Variants in GPM6A observed in about 807,000 individuals in gnomAD.
GPM6A encodes the protein glycoprotein M6A, also known as neuronal membrane glycoprotein M6-a.
GPM6A carries 7 observed loss-of-function variants against 32.1 expected under a neutral mutation model. The observed-to-expected ratio is 0.22, with a 90% CI of 0.12 to 0.41. The LOEUF (loss-of-function observed/expected upper bound fraction) is 0.41. Among genes scored for constraint, GPM6A ranks in the 10% least tolerant of loss-of-function variants. The pLI, the probability that GPM6A is intolerant of heterozygous loss-of-function variation, is 1.00. For missense variants in GPM6A, 235 were observed against 347.2 expected (o/e 0.68, Z 2.57); for synonymous variants, 130 against 123.4 (o/e 1.05, Z -0.35).
In GPM6A at chr4:175,686,215, G is replaced by T. The variant is rs558138444; in HGVS notation, c.231-12379C>A. Among the ~76,000 whole-genome samples the T allele has an allele frequency of 5.9e-5, 9 of 152,166 alleles. No individual in the cohort carries two copies. In the South Asian group the frequency reaches 1.0e-3, roughly 18 times the overall value. ...AAATGAACCTTGATTACTGTGGTCA[G>T]CTATAAAAAACCTCACTTCATACAT... is the stretch of plus-strand genomic sequence containing the variant. On this transcript the variant is annotated intron_variant, in intron 2 of 6. Coordinates refer to ENST00000393658, the MANE Select transcript of GPM6A (RefSeq NM_201591.3).
In GPM6A at chr4:175,889,542, G is replaced by A. The variant is rs539316414; in HGVS notation, c.-22-77293C>T. Among the ~76,000 whole-genome samples the A allele has an allele frequency of 7.6e-5, 11 of 145,034 alleles. No homozygotes were observed. The South Asian group carries it at 2.3e-3, about 30-fold the overall frequency. The stretch of plus-strand genomic sequence containing the variant: ...CCAAAAAAAAAAAAAGAGGCCAGGC[G>A]CAGTGGCTCGCGCCTGTAATCCCAG... On this transcript the variant is annotated intron_variant, in intron 1 of 7. Transcript: ENST00000280187.
chr4:175,895,458 G>C (rs1737767631), intron 1 of GPM6A, among the ~76,000 whole-genome samples: 1 of 152,068 alleles, frequency 6.6e-6, no homozygotes, highest in Non-Finnish European at 1.5e-5. Flanking sequence ...CTAAGAACTT[G>C]GAAGGTAACT....
intron 1 of GPM6A, among the ~76,000 whole-genome samples, chr4:175,759,061 A>T (rs964915277): frequency 2.0e-5 from 3 of 152,224 alleles, no homozygotes; most frequent in Non-Finnish European, 4.4e-5. Context: ...TCTTTAGTTC[A>T]TGCAATCAGC....
chr4:175,769,519 C>G (rs1276566240), intron 1 of GPM6A, among the ~76,000 whole-genome samples: 1 of 151,772 alleles, frequency 6.6e-6, no homozygotes, highest in East Asian at 1.9e-4. Flanking sequence ...TGCCCAGGGC[C>G]CCCCTGTGAC....
chr4:175,858,158 A>G (rs1736469683), intron 1 of GPM6A, among the ~76,000 whole-genome samples: 1 of 152,206 alleles, frequency 6.6e-6, no homozygotes, highest in African/African-American at 2.4e-5. Flanking sequence ...AAATGAGCAT[A>G]TAAATAGAGC....
At chr4:175,917,351 A>C (rs1738525543) in intron 1 of GPM6A, among the ~76,000 whole-genome samples, 1 of 152,062 alleles carries the variant, frequency 6.6e-6, no homozygotes, top group Non-Finnish European at 1.5e-5. Context: ...TTCCCCAAGC[A>C]CTGCCCCTTG....
At chr4:175,797,992 G>T (rs1414713605) in intron 1 of GPM6A, among the ~76,000 whole-genome samples, 1 of 152,162 alleles carries the variant, frequency 6.6e-6, no homozygotes, top group Non-Finnish European at 1.5e-5. Context: ...TAGAAATGCA[G>T]ATTCCTGGGC....
At chr4:175,991,044 T>C (rs545125076) in intron 1 of GPM6A, among the ~76,000 whole-genome samples, 1 of 151,646 alleles carries the variant, frequency 6.6e-6, no homozygotes, top group South Asian at 2.1e-4. Flanking sequence ...TTCTTCTTTT[T>C]AAATCTTTCT....
At chr4:175,643,259 C>A (rs947495072) in intron 4 of GPM6A, among the ~76,000 whole-genome samples, 6 of 152,156 alleles carry the variant, frequency 3.9e-5, no homozygotes, top group Admixed American at 3.3e-4. Flanking sequence ...ATTAGTCAGA[C>A]CATCTCCTGC....
At chr4:175,819,500 C>G (rs2111346910) in intron 1 of GPM6A, among the ~76,000 whole-genome samples, 1 of 152,280 alleles carries the variant, frequency 6.6e-6, no homozygotes, top group African/African-American at 2.4e-5. Flanking sequence ...CTCAGCACTT[C>G]ACATGTGTGA....
intron 3 of GPM6A, among the ~76,000 whole-genome samples, chr4:175,672,012 G>A (rs1743107894): frequency 7.7e-6 from 1 of 130,500 alleles, no homozygotes; most frequent in Non-Finnish European, 1.7e-5. Flanking sequence ...GAAAGAAAAC[G>A]TGGCTCATGT....
At chr4:175,946,924 C>A (rs1299642610) in intron 1 of GPM6A, among the ~76,000 whole-genome samples, 2 of 152,030 alleles carry the variant, frequency 1.3e-5, no homozygotes, top group African/African-American at 2.4e-5. Context: ...TGAGAGGAAG[C>A]CAAAACTGGA....
chr4:175,770,151 C>A (rs1000452221), intron 1 of GPM6A, among the ~76,000 whole-genome samples: 3 of 152,122 alleles, frequency 2.0e-5, no homozygotes, highest in Non-Finnish European at 4.4e-5. Flanking sequence ...CTCAGCCTCC[C>A]AAGTAGCTGA....
At chr4:175,966,185 T>C (rs986964697) in intron 1 of GPM6A, among the ~76,000 whole-genome samples, 3 of 151,988 alleles carry the variant, frequency 2.0e-5, no homozygotes. Context: ...GGTGGGAGGA[T>C]TGCTTAAACT....
At chr4:175,831,295 T>C (rs894380349) in intron 1 of GPM6A, among the ~76,000 whole-genome samples, 2 of 152,148 alleles carry the variant, frequency 1.3e-5, no homozygotes, top group Admixed American at 1.3e-4. Flanking sequence ...GAATTATTAG[T>C]CAAAATTGAA....
intron 1 of GPM6A, among the ~76,000 whole-genome samples, chr4:175,838,557 A>G (rs1229590434): frequency 6.6e-6 from 1 of 151,498 alleles, no homozygotes; most frequent in East Asian, 2.0e-4. Context: ...TTGTTACTAC[A>G]TCCCCGTTCA....
chr4:175,835,303 T>C (rs1218064942), intron 1 of GPM6A, among the ~76,000 whole-genome samples: 1 of 152,150 alleles, frequency 6.6e-6, no homozygotes, highest in Non-Finnish European at 1.5e-5. Flanking sequence ...TTATTAACTT[T>C]AGTATACCAT....
At chr4:175,804,004 G>A (rs576486084) in intron 1 of GPM6A, among the ~76,000 whole-genome samples, 1 of 151,528 alleles carries the variant, frequency 6.6e-6, no homozygotes, top group South Asian at 2.1e-4. Context: ...CTAAAATAAC[G>A]TCTCTGAGAC....
In GPM6A at chr4:175,821,511, T is replaced by A. The variant is rs114357676; in HGVS notation, c.-22-9262A>T. 2.3e-3 allele frequency among the ~76,000 whole-genome samples: 355 copies of A among 152,224 alleles called. 1 individual carries two copies. The highest frequency in any genetic ancestry group is 8.2e-3 in the African/African-American group (341 of 41,588). Reference sequence around the variant, plus strand: ...TGAGGGGGAGGTGAACTTATATTTATTGAACTTAAATTAACTTCATAGATT... The same window carrying A: ...TGAGGGGGAGGTGAACTTATATTTAATGAACTTAAATTAACTTCATAGATT... On this transcript the variant is annotated intron_variant, in intron 1 of 7. Coordinates refer to the GPM6A transcript ENST00000280187.
Sources: gnomAD v4.1 joint callset for allele counts (sites outside exome capture counted in the v4.1 genomes callset) on GRCh38, gnomAD v4.1.1 for gene constraint, MANE v1.5 for transcripts, NCBI Gene and HGNC (gene_info 2026-07-23, HGNC 2026-07-21) for gene names.